The following AKAP11 variants were observed in gnomAD, a reference collection of about 807,000 sequenced individuals.
AKAP11 encodes the protein A-kinase anchor protein 11.
Under a neutral mutation model 146.1 loss-of-function variants are expected in AKAP11, and 36 were observed. The observed-to-expected ratio is 0.25, with a 90% CI of 0.19 to 0.33. The LOEUF (loss-of-function observed/expected upper bound fraction) is 0.33. AKAP11 is among the 10% of genes least tolerant of loss of function. AKAP11 has a pLI of 1.00. For missense variants in AKAP11, 2,201 were observed against 2,197.0 expected, an observed-to-expected ratio of 1.00 and a Z score of -0.04; for synonymous variants, 780 against 786.5, an observed-to-expected ratio of 0.99 and a Z score of 0.14.
Position 42,302,866 on chromosome 13 carries a change from C to T in AKAP11, c.4120C>T (p.Arg1374Ter), listed in dbSNP as rs777871693. 1.9e-6 allele frequency: 3 copies of T among 1,613,790 alleles called. No individual in the cohort carries two copies. The highest frequency in any genetic ancestry group is 2.5e-6 in the Non-Finnish European group (3 of 1,179,978). Residue 1374 changes from arginine (R) to a stop codon, truncating the protein, a stop_gained, in exon 8 of 13, where the codon CGA becomes TGA. Transcript: ENST00000025301. LOFTEE classifies it high-confidence loss of function. ...TCAGTATGCCAATAGGCTTGCCTAC[C>T]GATCTGTTAAATCAGGATTACAGGA... The part of the protein sequence containing the change: ...MDQYANRLAY[R>*]SVKSGLQEAA...
intron 7 of AKAP11, 67 bp from the exon 8 acceptor site, chr13:42,299,296 G>T: frequency 7.4e-7 from 1 of 1,348,852 alleles, no homozygotes. Context: ...TTTATTCCAT[G>T]GATTTAAGTT....
At chr13:42,318,972 C>T (rs1024021048) in intron 12 of AKAP11, 116 bp from the exon 13 acceptor site, 15 of 1,221,936 alleles carry the variant, frequency 1.2e-5, no homozygotes, top group African/African-American at 3.1e-5. Context: ...AACTAGGAAA[C>T]GGTATTTAAT....
Position 42,303,371 on chromosome 13 carries a change from A to C in AKAP11, c.4625A>C (p.Gln1542Pro), listed in dbSNP as rs1251156795. 1.9e-6 allele frequency: 3 copies of C among 1,613,462 alleles called. No homozygotes were observed. The South Asian group carries it at 3.3e-5, about 18-fold the overall frequency. The change falls in exon 8 of 13, where the codon CAG becomes CCG. Residue 1542 changes from glutamine to proline, a missense_variant. By Grantham distance (76) the Gln-to-Pro change is moderately conservative. Around this residue, in one of 3 missense-constraint regions of AKAP11, gnomAD observed 1,867 missense variants for 1,833.5 expected, o/e 1.02. Coordinates refer to ENST00000025301, the MANE Select transcript of AKAP11 (RefSeq NM_016248.4). ...GACAATGTTGTTCAAGCTGTAGAAC[A>C]GTATGCCAAAAAAGTAGTGGATGAC... Reference protein sequence around the residue: ...CGDNVVQAVEQYAKKVVDDTL... With the variant: ...CGDNVVQAVEPYAKKVVDDTL...
At chr13:42,273,582 G>A (rs1455210976) in intron 1 of AKAP11, among the ~76,000 whole-genome samples, 4 of 152,112 alleles carry the variant, frequency 2.6e-5, no homozygotes, top group Admixed American at 6.5e-5. Context: ...CCACATAACT[G>A]CAGTATCGAC....
Position 42,301,930 on chromosome 13 carries a change from C to G in AKAP11, c.3184C>G (p.Gln1062Glu). 1 of 1,614,158 alleles carries G rather than the reference C, an allele frequency of 6.2e-7. No individual in the cohort carries two copies. The highest frequency in any genetic ancestry group is 8.5e-7 in the Non-Finnish European group (1 of 1,180,014). The change falls in exon 8 of 13, where the codon CAG becomes GAG. Residue 1062 changes from glutamine (Q) to glutamate (E), a missense_variant. By Grantham distance (29) the Gln-to-Glu change is conservative. Coordinates refer to ENST00000025301, the MANE Select transcript of AKAP11 (RefSeq NM_016248.4). ...STSLEALSFG[Q>E]ENPFPHSHTF... ...ATCACTTGAGGCCTTGTCTTTTGGA[C>G]AGGAAAACCCCTTTCCTCATTCACA... is the stretch of plus-strand genomic sequence containing the variant.
chr13:42,287,800 T>C (rs1959178431), intron 3 of AKAP11, among the ~76,000 whole-genome samples: 1 of 152,188 alleles, frequency 6.6e-6, no homozygotes, highest in Non-Finnish European at 1.5e-5. Flanking sequence ...TAACTAATAA[T>C]ATATACAAAA....
intron 9 of AKAP11, among the ~76,000 whole-genome samples, chr13:42,311,716 T>G (rs1029088017): frequency 3.9e-5 from 6 of 152,140 alleles, no homozygotes; most frequent in Admixed American, 3.3e-4. Context: ...TAGAAGTAAA[T>G]AGAGTGTTTG....
At chr13:42,313,842 C>G in intron 10 of AKAP11, 52 bp from the exon 11 acceptor site, 4 of 1,507,248 alleles carry the variant, frequency 2.7e-6, no homozygotes, top group Non-Finnish European at 3.7e-6. Context: ...TGTTTTGATA[C>G]CATTATTAAT....
chr13:42,290,493 C>T (rs1359729476), intron 3 of AKAP11, among the ~76,000 whole-genome samples: 1 of 152,114 alleles, frequency 6.6e-6, no homozygotes, highest in Non-Finnish European at 1.5e-5. Context: ...CAGCTTTTAA[C>T]CCAGTAGATT....
chr13:42,291,042 T>C (rs1402792332), intron 3 of AKAP11, among the ~76,000 whole-genome samples: 1 of 152,246 alleles, frequency 6.6e-6, no homozygotes, highest in Non-Finnish European at 1.5e-5. Context: ...GATTCAAATG[T>C]AACAGTACAG....
chr13:42,316,262 A>G (rs1226268334), intron 11 of AKAP11, among the ~76,000 whole-genome samples: 2 of 152,202 alleles, frequency 1.3e-5, no homozygotes, highest in African/African-American at 2.4e-5. Context: ...GTAGCAGAGA[A>G]TCAGAGACAT....
Position 42,302,956 on chromosome 13 carries a change from AAAAC to A in AKAP11, c.4217_4220del (p.Asn1406ArgfsTer4). On this transcript the variant is annotated frameshift_variant, in exon 8 of 13. Coordinates refer to ENST00000025301, the MANE Select transcript of AKAP11 (RefSeq NM_016248.4). LOFTEE classifies it high-confidence loss of function. ...GTTCCCTGTGCCAAGTTCACAAGTG[AAAAC>A]AAACAAGGAACTGTTAATGTTTTCA... 1 of 1,613,970 alleles carries A rather than the reference AAAAC, an allele frequency of 6.2e-7. No individual in the cohort carries two copies. The highest frequency in any genetic ancestry group is 8.5e-7 in the Non-Finnish European group (1 of 1,180,006).
At chr13:42,289,171 A>G (rs1421801585) in intron 3 of AKAP11, among the ~76,000 whole-genome samples, 5 of 152,064 alleles carry the variant, frequency 3.3e-5, no homozygotes, top group African/African-American at 9.7e-5. Flanking sequence ...TCATTATTTC[A>G]TGGGAGTTGC....
chr13:42,271,901 G>A (rs1343645022), upstream of AKAP11, among the ~76,000 whole-genome samples: 6 of 151,866 alleles, frequency 4.0e-5, no homozygotes, highest in East Asian at 9.7e-4. Context: ...CACGTGGGAA[G>A]GCTTTTTTTC....
In AKAP11 at chr13:42,299,445, A is replaced by C; in HGVS notation, c.699A>C (p.Leu233Phe). 1.2e-6 allele frequency: 2 copies of C among 1,613,864 alleles called. No homozygotes were observed. The highest frequency in any genetic ancestry group is 1.7e-6 in the Non-Finnish European group (2 of 1,179,822). Residue 233 changes from leucine (L) to phenylalanine (F), a missense_variant, in exon 8 of 13, where the codon TTA becomes TTC. This residue lies in a region of AKAP11 where 331 missense variants were observed against 347.4 expected (regional missense o/e 0.95). Coordinates refer to ENST00000025301, the MANE Select transcript of AKAP11 (RefSeq NM_016248.4). ...VTGHHLETHDLKILISSGQQK... is the reference protein window; with the variant it reads ...VTGHHLETHDFKILISSGQQK... ...GTCATCATTTAGAAACCCATGATTTAAAGATTCTCATTAGCTCTGGACAGC... is the reference window on the plus strand; with the variant it reads ...GTCATCATTTAGAAACCCATGATTTCAAGATTCTCATTAGCTCTGGACAGC...
chr13:42,306,174 A>G (rs1960247520), intron 8 of AKAP11, among the ~76,000 whole-genome samples: 1 of 152,230 alleles, frequency 6.6e-6, no homozygotes, highest in Non-Finnish European at 1.5e-5. Context: ...AGTTCCTAGT[A>G]TGATAATAAA....
In AKAP11 at chr13:42,300,885, A is replaced by G; in HGVS notation, c.2139A>G (p.Thr713=). The G allele has an allele frequency of 6.2e-7, 1 of 1,614,126 alleles. No individual in the cohort carries two copies. Among genetic ancestry groups the G allele is most frequent in the Non-Finnish European group, 8.5e-7 (1 of 1,179,980 alleles). ...TATCACAAGTTGATGTGACCTTTAC[A>G]ACAAAGGCAGCAGTTAGTGTCTCTA... ...IELSQVDVTF[T]TKAAVSVSTD... The change falls in exon 8 of 13, where the codon ACA becomes ACG. Residue 713 remains threonine, a synonymous_variant. Transcript: ENST00000025301.
At chr13:42,279,169 AC>A (rs1958998738) in intron 1 of AKAP11, among the ~76,000 whole-genome samples, 1 of 151,718 alleles carries the variant, frequency 6.6e-6, no homozygotes, top group Non-Finnish European at 1.5e-5. Flanking sequence ...CTGTCAGTTT[AC>A]GGTTTTCATC....
At chr13:42,315,029 A>C (rs1960753204) in intron 11 of AKAP11, among the ~76,000 whole-genome samples, 1 of 152,216 alleles carries the variant, frequency 6.6e-6, no homozygotes, top group African/African-American at 2.4e-5. Context: ...AATGTCTTCT[A>C]TAAAGTGCAC....
Sources: allele counts gnomAD v4.1 joint callset (sites outside exome capture counted in the v4.1 genomes callset), GRCh38; gene constraint gnomAD v4.1.1; regional missense constraint gnomAD v4.1.1; transcripts MANE v1.5; gene names NCBI Gene and HGNC (gene_info 2026-07-23, HGNC 2026-07-21).